The following UNC13C variants were observed in gnomAD, a reference collection of about 807,000 sequenced individuals.
The protein encoded by UNC13C is protein unc-13 homolog C.
In UNC13C, 174 loss-of-function variants were observed where a neutral mutation model predicts 245.4. The ratio of observed to expected loss-of-function variants is 0.71; its 90% confidence interval spans 0.63 to 0.80. The LOEUF is 0.80. Among genes scored for constraint, UNC13C ranks in the 30% least tolerant of loss-of-function variants. UNC13C has a pLI of 0.00. For missense variants in UNC13C, 2,829 were observed against 2,602.9 expected (o/e 1.09, Z -1.89); for synonymous variants, 992 against 895.1 (o/e 1.11, Z -1.93).
intron 1 of UNC13C, among the ~76,000 whole-genome samples, chr15:53,995,349 C>G (rs916907607): frequency 6.6e-6 from 1 of 152,012 alleles, no homozygotes; most frequent in Non-Finnish European, 1.5e-5. Context: ...AGATAAAACT[C>G]TCATTAGCCC....
chr15:54,086,755 T>TTTTTTTTTTA, intron 2 of UNC13C, among the ~76,000 whole-genome samples: 3 of 142,492 alleles, frequency 2.1e-5, no homozygotes, highest in East Asian at 2.3e-4. Flanking sequence ...TTTTTTTTTT[T>TTTTTTTTTTA]GAGATGGACT....
chr15:53,873,430 C>T, the UNC13C span, among the ~76,000 whole-genome samples: 1 of 152,168 alleles, frequency 6.6e-6, no homozygotes, highest in African/African-American at 2.4e-5. Context: ...TCCACGATGT[C>T]CATCTGACCC....
chr15:54,629,509 T>C (rs1397617604), downstream of UNC13C: 4 of 152,206 alleles, frequency 2.6e-5, no homozygotes, highest in Non-Finnish European at 4.4e-5. Context: ...CTGTATATTG[T>C]AATGACGAGG....
intron 4 of UNC13C, among the ~76,000 whole-genome samples, chr15:54,222,515 C>T (rs1175744169): frequency 6.6e-6 from 1 of 152,062 alleles, no homozygotes; most frequent in Non-Finnish European, 1.5e-5. Context: ...TAGGTTGCTC[C>T]TAAGTCTTGG....
chr15:54,356,319 G>A (rs974501370), intron 17 of UNC13C, among the ~76,000 whole-genome samples: 3 of 151,948 alleles, frequency 2.0e-5, no homozygotes, highest in African/African-American at 7.3e-5. Flanking sequence ...ACCTCCAAAG[G>A]GGTTTTATTA....
intron 14 of UNC13C, among the ~76,000 whole-genome samples, chr15:54,326,739 T>C (rs2038306635): frequency 6.6e-6 from 1 of 151,934 alleles, no homozygotes; most frequent in Admixed American, 6.6e-5. Context: ...TCAGTTAACA[T>C]TTTGCAAGGG....
At chr15:54,593,364 A>T (rs1898905016) in intron 30 of UNC13C, among the ~76,000 whole-genome samples, 1 of 152,152 alleles carries the variant, frequency 6.6e-6, no homozygotes, top group African/African-American at 2.4e-5. Context: ...GTTTCTATCA[A>T]GGCCAGAGAA....
chr15:54,026,587 G>A (rs1352011767), intron 2 of UNC13C, among the ~76,000 whole-genome samples: 2 of 152,152 alleles, frequency 1.3e-5, no homozygotes, highest in Non-Finnish European at 2.9e-5. Context: ...TGATTTTGCT[G>A]TAGGGAAACC....
At chr15:53,998,961 G>A (rs12901548) in intron 1 of UNC13C, among the ~76,000 whole-genome samples, 24,488 of 151,588 alleles carry the variant, frequency 0.16, 2,054 homozygotes, top group African/African-American at 0.18. Context: ...ATGCTTGATC[G>A]TGATCTATTA....
At chr15:53,979,604 T>C (rs544823101) in intron 1 of UNC13C, among the ~76,000 whole-genome samples, 4 of 152,290 alleles carry the variant, frequency 2.6e-5, no homozygotes, top group Admixed American at 2.0e-4. Flanking sequence ...ATCAATATAC[T>C]TGTATCATCA....
chr15:54,504,267 G>A (rs968193728), intron 22 of UNC13C, among the ~76,000 whole-genome samples: 12 of 152,054 alleles, frequency 7.9e-5, no homozygotes, highest in Admixed American at 3.9e-4. Context: ...GGTAAATGAC[G>A]CACACATATT....
chr15:54,438,637 T>C (rs576490903), intron 19 of UNC13C, among the ~76,000 whole-genome samples: 3 of 152,106 alleles, frequency 2.0e-5, no homozygotes, highest in Admixed American at 6.6e-5. Flanking sequence ...CTAGGTAAAA[T>C]TTCTCAATCT....
At chr15:54,626,618 C>A (rs897466065) in intron 32 of UNC13C, among the ~76,000 whole-genome samples, 1 of 152,086 alleles carries the variant, frequency 6.6e-6, no homozygotes, top group Non-Finnish European at 1.5e-5. Flanking sequence ...TCTTAATTCC[C>A]ATTTTTTTCT....
intron 19 of UNC13C, among the ~76,000 whole-genome samples, chr15:54,444,080 A>G (rs1009775967): frequency 1.3e-5 from 2 of 151,924 alleles, no homozygotes; most frequent in Non-Finnish European, 2.9e-5. Context: ...ATACTCCAGT[A>G]TGGTTACATA....
At chr15:53,916,669 G>T in the UNC13C span, among the ~76,000 whole-genome samples, 1 of 152,168 alleles carries the variant, frequency 6.6e-6, no homozygotes, top group East Asian at 1.9e-4. Flanking sequence ...AATGTGGATT[G>T]CTGGGCTTAA....
chr15:54,239,113 G>A (rs1171401257), intron 7 of UNC13C, among the ~76,000 whole-genome samples: 4 of 152,044 alleles, frequency 2.6e-5, no homozygotes, highest in Admixed American at 6.5e-5. Context: ...CCCAATTTTA[G>A]CAACTTTGTC....
intron 13 of UNC13C, chr15:54,320,796 G>A (rs1418401387): frequency 8.8e-6 from 3 of 339,614 alleles, no homozygotes; most frequent in East Asian, 7.7e-5. Context: ...TTCCTGGTTG[G>A]CAAAGTATTG....
Position 54,172,739 on chromosome 15 carries a change from T to A in UNC13C, c.3071+29055T>A, listed in dbSNP as rs1007316112. 3.0e-3 allele frequency among the ~76,000 whole-genome samples: 281 copies of A among 94,778 alleles called. 1 individual carries two copies. The highest frequency in any genetic ancestry group is 0.013 in the Middle Eastern group (2 of 158). The allele number at this position is 94,778 out of a possible 152,430, so 62.2% of individuals were successfully genotyped here. ...ATATATATATATATATATATATATA[T>A]ATATATATATATATATATATATCTT... is the stretch of plus-strand genomic sequence containing the variant. On this transcript the variant is annotated intron_variant, in intron 4 of 32. Transcript: ENST00000260323.
At chr15:54,123,416 A>G (rs1358658677) in intron 2 of UNC13C, among the ~76,000 whole-genome samples, 3 of 151,470 alleles carry the variant, frequency 2.0e-5, no homozygotes, top group Non-Finnish European at 4.4e-5. Flanking sequence ...TTATTTTCAT[A>G]TGTATTTTTT....
Sources: gnomAD v4.1 joint callset for allele counts (sites outside exome capture counted in the v4.1 genomes callset) on GRCh38, gnomAD v4.1.1 for gene constraint, MANE v1.5 for transcripts, NCBI Gene and HGNC (gene_info 2026-07-23, HGNC 2026-07-21) for gene names.